GRID2: variants seen among roughly 807,000 people sequenced by gnomAD.
GRID2 encodes glutamate receptor ionotropic, delta-2.
GRID2 carries 33 observed loss-of-function variants against 114.8 expected under a neutral mutation model. That is an observed-to-expected ratio of 0.29 (90% CI 0.22 to 0.38). The LOEUF is 0.38. Among genes scored for constraint, GRID2 ranks in the 10% least tolerant of loss-of-function variants. The probability of loss-of-function intolerance (pLI) is 1.00; values close to 1 mark genes in which losing one functional copy is unlikely to be tolerated. For missense variants in GRID2, 1,184 were observed against 1,257.7 expected, an observed-to-expected ratio of 0.94 and a Z score of 0.89; for synonymous variants, 505 against 449.9, an observed-to-expected ratio of 1.12 and a Z score of -1.55.
At chr4:93,646,732 G>A (rs78585394) in intron 14 of GRID2, among the ~76,000 whole-genome samples, 120 of 152,240 alleles carry the variant, frequency 7.9e-4, no homozygotes, top group Non-Finnish European at 1.4e-3. Flanking sequence ...GTCTAGGGTG[G>A]TGTAATTGAG....
At chr4:93,284,922 G>A (rs1024734031) in intron 8 of GRID2, among the ~76,000 whole-genome samples, 4 of 151,978 alleles carry the variant, frequency 2.6e-5, no homozygotes, top group Non-Finnish European at 5.9e-5. Flanking sequence ...GGATGAATGA[G>A]TGAATGAGTG....
intron 2 of GRID2, among the ~76,000 whole-genome samples, chr4:92,850,180 A>T (rs1245806240): frequency 6.6e-6 from 1 of 151,364 alleles, no homozygotes; most frequent in African/African-American, 2.4e-5. Context: ...ATATATATTG[A>T]TATGTTTATA....
chr4:92,566,282 TTC>T (rs374555381), intron 1 of GRID2, among the ~76,000 whole-genome samples: 56 of 152,060 alleles, frequency 3.7e-4, no homozygotes, highest in East Asian at 2.5e-3. Context: ...ATGGAAATAT[TTC>T]TGTTTTTTTT....
chr4:93,112,030 G>T (rs1354134156), intron 4 of GRID2: 1 of 151,982 alleles, frequency 6.6e-6, no homozygotes, highest in Admixed American at 6.6e-5. Context: ...ATGACTTAGA[G>T]AATCTTATTG....
At chr4:93,333,115 G>A (rs141847867) in intron 8 of GRID2, among the ~76,000 whole-genome samples, 4 of 152,000 alleles carry the variant, frequency 2.6e-5, no homozygotes, top group Admixed American at 6.6e-5. Flanking sequence ...ATTACAGGTA[G>A]GCCTCCCAGC....
At chr4:92,989,528 A>G (rs1754736153) in intron 2 of GRID2, among the ~76,000 whole-genome samples, 1 of 151,996 alleles carries the variant, frequency 6.6e-6, no homozygotes, top group Non-Finnish European at 1.5e-5. Context: ...ATCCCAATAA[A>G]AAAAAGGTAC....
At chr4:92,455,611 C>G (rs986002708) in intron 1 of GRID2, among the ~76,000 whole-genome samples, 1 of 151,952 alleles carries the variant, frequency 6.6e-6, no homozygotes, top group African/African-American at 2.4e-5. Flanking sequence ...GAAGAATGCT[C>G]TGAAATGGAG....
At chr4:92,853,923 C>T (rs1744000745) in intron 2 of GRID2, among the ~76,000 whole-genome samples, 1 of 151,350 alleles carries the variant, frequency 6.6e-6, no homozygotes, top group Admixed American at 6.6e-5. Context: ...GATATCTGTG[C>T]ACCAAACCTT....
chr4:93,197,724 T>A (rs1741645225), intron 4 of GRID2, among the ~76,000 whole-genome samples: 1 of 152,124 alleles, frequency 6.6e-6, no homozygotes. Flanking sequence ...ATTCAGCTCA[T>A]CAGGAACCTG....
At chr4:93,052,560 G>A (rs1283726567) in intron 2 of GRID2, among the ~76,000 whole-genome samples, 1 of 151,904 alleles carries the variant, frequency 6.6e-6, no homozygotes, top group Non-Finnish European at 1.5e-5. Context: ...ATAAGCACTT[G>A]TGTATCTAAA....
chr4:93,271,883 T>C (rs1303814974), intron 8 of GRID2, among the ~76,000 whole-genome samples: 1 of 152,224 alleles, frequency 6.6e-6, no homozygotes, highest in Non-Finnish European at 1.5e-5. Context: ...ATTTTATGTC[T>C]TTGTAGCATT....
At chr4:92,652,341 T>A (rs770772752) in intron 2 of GRID2, among the ~76,000 whole-genome samples, 1 of 151,972 alleles carries the variant, frequency 6.6e-6, no homozygotes, top group African/African-American at 2.4e-5. Flanking sequence ...TGTAGCCTAG[T>A]CAAGTTGACA....
chr4:93,177,372 G>T (rs1194999943), intron 4 of GRID2, among the ~76,000 whole-genome samples: 1 of 151,972 alleles, frequency 6.6e-6, no homozygotes, highest in Non-Finnish European at 1.5e-5. Flanking sequence ...TGCCATAGAT[G>T]AATCCTTTGA....
chr4:93,348,769 C>T (rs1386199302), intron 8 of GRID2, among the ~76,000 whole-genome samples: 1 of 152,094 alleles, frequency 6.6e-6, no homozygotes, highest in Non-Finnish European at 1.5e-5. Flanking sequence ...AGACCAACTA[C>T]ACGTAGAGGG....
intron 14 of GRID2, among the ~76,000 whole-genome samples, chr4:93,729,179 A>G (rs1035155964): frequency 6.6e-6 from 1 of 152,160 alleles, no homozygotes; most frequent in African/African-American, 2.4e-5. Flanking sequence ...TATTCATGTG[A>G]GCCACCATGC....
At chr4:92,802,616 T>C (rs2149373243) in intron 2 of GRID2, among the ~76,000 whole-genome samples, 1 of 152,114 alleles carries the variant, frequency 6.6e-6, no homozygotes, top group South Asian at 2.1e-4. Flanking sequence ...CTGTTTCTAC[T>C]GCGTTACAAA....
chr4:92,979,868 A>G (rs1035630168), intron 2 of GRID2, among the ~76,000 whole-genome samples: 1 of 152,206 alleles, frequency 6.6e-6, no homozygotes, highest in Non-Finnish European at 1.5e-5. Flanking sequence ...AGCCATTGCC[A>G]GAATGCCTGA....
intron 2 of GRID2, among the ~76,000 whole-genome samples, chr4:93,021,401 AGTT>A (rs1217451682): frequency 2.0e-5 from 3 of 150,146 alleles, no homozygotes; most frequent in Non-Finnish European, 4.4e-5. Flanking sequence ...ATGTTAATAG[AGTT>A]ATTTAACATA....
At chr4:93,790,862 T>C (rs1561004882) in intron 1 of GRID2, among the ~76,000 whole-genome samples, 1 of 152,184 alleles carries the variant, frequency 6.6e-6, no homozygotes, top group Non-Finnish European at 1.5e-5. Context: ...CTGTGTTTCA[T>C]TTTCCTCTCC....
Sources: allele counts gnomAD v4.1 joint callset (sites outside exome capture counted in the v4.1 genomes callset), GRCh38; gene constraint gnomAD v4.1.1; transcripts MANE v1.5; gene names NCBI Gene and HGNC (gene_info 2026-07-23, HGNC 2026-07-21).